Variants in FOCAD observed in about 807,000 individuals in gnomAD.
The protein encoded by FOCAD is KIAA1797.
A neutral mutation model predicts 225.6 loss-of-function variants in FOCAD; 198 were observed. That is an observed-to-expected ratio of 0.88 (90% CI 0.78 to 0.99). The LOEUF is 0.99. FOCAD is among the 50% of genes least tolerant of loss of function. FOCAD has a pLI of 0.00. For synonymous variants in FOCAD, 897 were observed against 755.0 expected (o/e 1.19, Z -3.08); for missense variants, 2,713 against 2,123.6 (o/e 1.28, Z -5.46).
At chr9:20,892,678 G>T (rs1024471403) in intron 21 of FOCAD, among the ~76,000 whole-genome samples, 1 of 152,084 alleles carries the variant, frequency 6.6e-6, no homozygotes, top group African/African-American at 2.4e-5. Flanking sequence ...CTGTGAACAT[G>T]TTGAACTGAC....
At chr9:20,665,998 G>C (rs949730016) in intron 2 of FOCAD, among the ~76,000 whole-genome samples, 1 of 152,084 alleles carries the variant, frequency 6.6e-6, no homozygotes, top group African/African-American at 2.4e-5. Context: ...AGGTTCAAGT[G>C]ATTCTCCTGC....
intron 4 of FOCAD, among the ~76,000 whole-genome samples, chr9:20,728,160 A>G (rs1826364629): frequency 6.6e-6 from 1 of 152,130 alleles, no homozygotes; most frequent in African/African-American, 2.4e-5. Flanking sequence ...TTTTTTTTGA[A>G]TCTTCAACGT....
chr9:20,691,877 G>A (rs918149940), intron 1 of FOCAD, among the ~76,000 whole-genome samples: 9 of 151,678 alleles, frequency 5.9e-5, no homozygotes, highest in Non-Finnish European at 8.8e-5. Context: ...GGGTTCAAGC[G>A]ATTCTCCTGC....
intron 21 of FOCAD, among the ~76,000 whole-genome samples, chr9:20,897,585 C>G (rs7850074): frequency 0.55 from 83,974 of 151,340 alleles, 23,490 homozygotes; most frequent in East Asian, 0.67. Context: ...TATATATTTA[C>G]AACTATGTCT....
intron 15 of FOCAD, among the ~76,000 whole-genome samples, chr9:20,860,470 G>C (rs1309775892): frequency 6.6e-6 from 1 of 152,070 alleles, no homozygotes; most frequent in Non-Finnish European, 1.5e-5. Context: ...TCTCTTATTA[G>C]TTCCTCAGTC....
At chr9:20,779,425 TTGA>T (rs1407336872) in intron 9 of FOCAD, among the ~76,000 whole-genome samples, 1 of 152,188 alleles carries the variant, frequency 6.6e-6, no homozygotes, top group Non-Finnish European at 1.5e-5. Context: ...CCATGATATG[TTGA>T]TATGCTGCTG....
At chr9:20,964,994 G>T (rs1182151130) in intron 35 of FOCAD, among the ~76,000 whole-genome samples, 1 of 152,058 alleles carries the variant, frequency 6.6e-6, no homozygotes, top group Non-Finnish European at 1.5e-5. Flanking sequence ...CTAAAATATG[G>T]GAGAAAGGCC....
chr9:20,734,322 C>CA (rs765150366), intron 4 of FOCAD, among the ~76,000 whole-genome samples: 5 of 152,170 alleles, frequency 3.3e-5, no homozygotes, highest in Non-Finnish European at 7.4e-5. Flanking sequence ...AAGTCAGATC[C>CA]AGGTACATGG....
chr9:20,670,839 C>T lies in FOCAD; in HGVS notation c.-78+12013C>T, dbSNP rs564465317. On this transcript the variant is annotated intron_variant, in intron 2 of 45. Transcript: ENST00000380249. The stretch of plus-strand genomic sequence containing the variant: ...ATTCCAAAGTCTAAGATCTTAACCA[C>T]TCTGCCCACAATAGGCACTCTGAAG... Among the ~76,000 whole-genome samples, 5 of 152,300 alleles carry T rather than the reference C, an allele frequency of 3.3e-5. No individual in the cohort carries two copies. The South Asian group carries it at 1.0e-3, about 32-fold the overall frequency.
At chr9:20,960,137 C>G (rs1474825068) in intron 35 of FOCAD, among the ~76,000 whole-genome samples, 1 of 152,182 alleles carries the variant, frequency 6.6e-6, no homozygotes, top group Non-Finnish European at 1.5e-5. Flanking sequence ...TCAACCTGAA[C>G]ACTTTTTCAG....
At chr9:20,966,805 G>T (rs1839301197) in intron 35 of FOCAD, among the ~76,000 whole-genome samples, 1 of 151,898 alleles carries the variant, frequency 6.6e-6, no homozygotes, top group Non-Finnish European at 1.5e-5. Context: ...TGGCACCCTT[G>T]TCAAAAATCA....
intron 21 of FOCAD, among the ~76,000 whole-genome samples, chr9:20,892,986 AATT>A (rs1229660479): frequency 6.6e-6 from 1 of 152,052 alleles, no homozygotes; most frequent in Non-Finnish European, 1.5e-5. Context: ...AGATTTATAT[AATT>A]ATTTACATTT....
intron 2 of FOCAD, among the ~76,000 whole-genome samples, chr9:20,668,265 T>G (rs763241248): frequency 1.3e-5 from 2 of 152,188 alleles, no homozygotes; most frequent in Non-Finnish European, 2.9e-5. Context: ...CCCAGAATTA[T>G]ATGATCTTTA....
At chr9:20,700,533 T>C (rs886855658) in intron 1 of FOCAD, among the ~76,000 whole-genome samples, 10 of 149,888 alleles carry the variant, frequency 6.7e-5, no homozygotes, top group Non-Finnish European at 1.2e-4. Context: ...ATTCGCCTAG[T>C]TAAAAAAAAA....
chr9:20,917,660 C>T (rs1003952683), intron 24 of FOCAD, among the ~76,000 whole-genome samples: 2 of 152,034 alleles, frequency 1.3e-5, no homozygotes, highest in Non-Finnish European at 2.9e-5. Flanking sequence ...TGCCTCCAAC[C>T]AACACAGATA....
At chr9:20,846,429 C>G (rs1827119140) in intron 15 of FOCAD, among the ~76,000 whole-genome samples, 1 of 152,112 alleles carries the variant, frequency 6.6e-6, no homozygotes, top group Non-Finnish European at 1.5e-5. Flanking sequence ...TTTGTCAGCT[C>G]CAGCCCCAAA....
chr9:20,796,989 T>C (rs1384358116), intron 11 of FOCAD, among the ~76,000 whole-genome samples: 1 of 152,226 alleles, frequency 6.6e-6, no homozygotes, highest in East Asian at 1.9e-4. Context: ...AATTAATTTT[T>C]GTATAAGGTA....
intron 15 of FOCAD, among the ~76,000 whole-genome samples, chr9:20,825,327 G>A (rs183871045): frequency 1.3e-5 from 2 of 152,096 alleles, no homozygotes; most frequent in East Asian, 3.9e-4. Context: ...TATTCACAGA[G>A]GTCAGCTCGC....
At chr9:20,825,143 T>TTACGTG (rs1824740520) in intron 15 of FOCAD, among the ~76,000 whole-genome samples, 1 of 98,516 alleles carries the variant, frequency 1.0e-5, no homozygotes, top group South Asian at 4.2e-4. Context: ...TTTTCAAGCT[T>TTACGTG]TGCGTGTGTG....
Sources: gnomAD v4.1 joint callset for allele counts (sites outside exome capture counted in the v4.1 genomes callset) on GRCh38, gnomAD v4.1.1 for gene constraint, MANE v1.5 for transcripts, NCBI Gene and HGNC (gene_info 2026-07-23, HGNC 2026-07-21) for gene names.